Variants in RBFOX1 observed in about 807,000 individuals in gnomAD.
RBFOX1 encodes RNA binding fox-1 homolog 1, also known as RNA binding protein fox-1 homolog 1.
In RBFOX1, 8 loss-of-function variants were observed where a neutral mutation model predicts 57.7. The observed-to-expected ratio is 0.14, with a 90% confidence interval of 0.08 to 0.25. The LOEUF (loss-of-function observed/expected upper bound fraction) is 0.25. Among genes scored for constraint, RBFOX1 ranks in the 10% least tolerant of loss-of-function variants. The probability of loss-of-function intolerance (pLI) is 1.00; values close to 1 mark genes in which losing one functional copy is unlikely to be tolerated. For missense variants in RBFOX1, 611 were observed against 548.5 expected (o/e 1.11, Z -1.14); for synonymous variants, 326 against 222.4 (o/e 1.47, Z -4.15).
Position 6,172,594 on chromosome 16 carries a change from T to C in RBFOX1, c.-126-144401T>C, listed in dbSNP as rs117791175. Among the ~76,000 whole-genome samples, 226 of 150,910 alleles carry C rather than the reference T, an allele frequency of 1.5e-3. 7 individuals carry two copies. The East Asian group carries it at 0.043, about 28-fold the overall frequency. Reference sequence around the variant, plus strand: ...AATAATGGATGTGATGCAGCCTCAGTGGTGGACTTCCTGAGTTCAAGTTCT... The same window carrying C: ...AATAATGGATGTGATGCAGCCTCAGCGGTGGACTTCCTGAGTTCAAGTTCT... On this transcript the variant is annotated intron_variant, in intron 1 of 15. Transcript: ENST00000550418.
chr16:6,740,048 A>G (rs1243858365), intron 3 of RBFOX1, among the ~76,000 whole-genome samples: 1 of 152,220 alleles, frequency 6.6e-6, no homozygotes. Flanking sequence ...ATCTAACAAT[A>G]TATAAAAAGA....
chr16:6,443,291 C>T (rs995170447), intron 2 of RBFOX1, among the ~76,000 whole-genome samples: 1 of 152,150 alleles, frequency 6.6e-6, no homozygotes, highest in Admixed American at 6.5e-5. Flanking sequence ...TGCTATCTCT[C>T]ACGTTCATTC....
At chr16:6,390,273 T>G (rs2092530920) in intron 2 of RBFOX1, among the ~76,000 whole-genome samples, 1 of 152,182 alleles carries the variant, frequency 6.6e-6, no homozygotes, top group African/African-American at 2.4e-5. Flanking sequence ...ATTCTGATTA[T>G]TTTCTGGTTT....
At chr16:6,612,355 C>T (rs1214424547) in intron 2 of RBFOX1, among the ~76,000 whole-genome samples, 1 of 152,152 alleles carries the variant, frequency 6.6e-6, no homozygotes, top group Non-Finnish European at 1.5e-5. Flanking sequence ...TTTAATAAAA[C>T]CAACATTGCC....
intron 4 of RBFOX1, among the ~76,000 whole-genome samples, chr16:7,419,731 T>C (rs1241690214): frequency 6.6e-6 from 1 of 152,180 alleles, no homozygotes; most frequent in African/African-American, 2.4e-5. Context: ...CTCTCCTGCA[T>C]TTTGCAAGAC....
At chr16:6,996,186 A>G (rs908032529) in intron 3 of RBFOX1, among the ~76,000 whole-genome samples, 1 of 152,174 alleles carries the variant, frequency 6.6e-6, no homozygotes, top group Non-Finnish European at 1.5e-5. Flanking sequence ...CCGATAAATC[A>G]TTGCCTTTTT....
At chr16:6,378,649 T>C (rs551971606) in intron 2 of RBFOX1, among the ~76,000 whole-genome samples, 17 of 152,234 alleles carry the variant, frequency 1.1e-4, no homozygotes, top group African/African-American at 3.9e-4. Flanking sequence ...CTCTTCCCCA[T>C]TGGTCATCCC....
chr16:5,420,416 A>C (rs909293123), intron 1 of RBFOX1, among the ~76,000 whole-genome samples: 8 of 151,974 alleles, frequency 5.3e-5, no homozygotes, highest in African/African-American at 1.9e-4. Context: ...ACACACTCTC[A>C]GGTTCACACA....
At chr16:6,642,076 G>T (rs996247399) in intron 2 of RBFOX1, among the ~76,000 whole-genome samples, 8 of 152,152 alleles carry the variant, frequency 5.3e-5, no homozygotes, top group African/African-American at 1.9e-4. Flanking sequence ...GTGCAGCTAC[G>T]GAGAGGGTAT....
Position 5,860,543 on chromosome 16 carries a change from A to C in RBFOX1, c.319-6760A>C, listed in dbSNP as rs185149142. ...AGGTGGCTGTGTAGAGGAGAAGGGG[A>C]ATGCAGTGTTTCCTGTTATCCCCAA... is the stretch of plus-strand genomic sequence containing the variant. On this transcript the variant is annotated intron_variant, in intron 3 of 19. Transcript: ENST00000641259. Among the ~76,000 whole-genome samples, 258 of 152,200 alleles carry C rather than the reference A, an allele frequency of 1.7e-3. 1 individual carries two copies. Among genetic ancestry groups the C allele is most frequent in the African/African-American group, 4.9e-3 (205 of 41,514 alleles).
intron 2 of RBFOX1, among the ~76,000 whole-genome samples, chr16:6,434,097 T>C (rs9941249): frequency 0.27 from 40,907 of 151,812 alleles, 5,759 homozygotes; most frequent in East Asian, 0.32. Flanking sequence ...ATCCACCCAC[T>C]TTGGCCTCCG....
chr16:7,041,909 C>T (rs751224451), intron 3 of RBFOX1, among the ~76,000 whole-genome samples: 4 of 149,410 alleles, frequency 2.7e-5, no homozygotes, highest in East Asian at 2.2e-4. Flanking sequence ...TTTGCAGGTA[C>T]CATATTATCT....
chr16:5,856,346 TA>T, intron 3 of RBFOX1, among the ~76,000 whole-genome samples: 1 of 136,310 alleles, frequency 7.3e-6, no homozygotes, highest in South Asian at 2.3e-4. Flanking sequence ...TATATATATA[TA>T]TATATAATGT....
At chr16:6,853,336 G>T (rs2094169176) in intron 3 of RBFOX1, among the ~76,000 whole-genome samples, 1 of 152,088 alleles carries the variant, frequency 6.6e-6, no homozygotes, top group African/African-American at 2.4e-5. Flanking sequence ...AGTGGTGGTG[G>T]CATACCTCTG....
chr16:5,459,012 G>A (rs184066154), intron 1 of RBFOX1, among the ~76,000 whole-genome samples: 4 of 152,282 alleles, frequency 2.6e-5, no homozygotes, highest in Non-Finnish European at 4.4e-5. Flanking sequence ...CCCATGTGAT[G>A]TTCCATATCC....
chr16:6,819,395 A>C (rs1366747737), intron 3 of RBFOX1, among the ~76,000 whole-genome samples: 1 of 152,168 alleles, frequency 6.6e-6, no homozygotes, highest in Non-Finnish European at 1.5e-5. Context: ...TGTAGAGTTT[A>C]AGTTGCAAAA....
At chr16:5,520,565 A>C (rs766995412) in intron 2 of RBFOX1, among the ~76,000 whole-genome samples, 1 of 152,202 alleles carries the variant, frequency 6.6e-6, no homozygotes, top group Non-Finnish European at 1.5e-5. Context: ...ACTGGGATGC[A>C]ATGCAATGGC....
chr16:5,413,468 G>T (rs960006579), intron 1 of RBFOX1, among the ~76,000 whole-genome samples: 1 of 152,122 alleles, frequency 6.6e-6, no homozygotes, highest in Non-Finnish European at 1.5e-5. Flanking sequence ...ATAAAATTCA[G>T]CTTCTCAGTT....
At chr16:6,585,700 T>A (rs912182606) in intron 2 of RBFOX1, among the ~76,000 whole-genome samples, 2 of 152,038 alleles carry the variant, frequency 1.3e-5, no homozygotes, top group Admixed American at 1.3e-4. Flanking sequence ...ATAACTGTAA[T>A]CATGCACCTG....
Sources: gnomAD v4.1 joint callset for allele counts (sites outside exome capture counted in the v4.1 genomes callset) on GRCh38, gnomAD v4.1.1 for gene constraint, MANE v1.5 for transcripts, NCBI Gene and HGNC (gene_info 2026-07-23, HGNC 2026-07-21) for gene names.